Variants in EEIG2 observed in about 807,000 individuals in gnomAD.
The protein encoded by EEIG2 is EEIG family member 2.
At chr1:108,561,350 C>G in the EEIG2 span, among the ~76,000 whole-genome samples, 1 of 152,044 alleles carries the variant, frequency 6.6e-6, no homozygotes, top group Non-Finnish European at 1.5e-5. Flanking sequence ...ACAGATGTAC[C>G]CTAAGGTGCT....
chr1:108,560,342 C>T, the EEIG2 span: 3 of 1,082,782 alleles, frequency 2.8e-6, no homozygotes, highest in African/African-American at 1.7e-5. Flanking sequence ...CGGCCCCGGC[C>T]ATGGGGCTGG....
the EEIG2 span, among the ~76,000 whole-genome samples, chr1:108,609,163 T>G: frequency 7.1e-4 from 108 of 152,306 alleles, no homozygotes; most frequent in Non-Finnish European, 1.3e-3. Context: ...TATACCAACA[T>G]TACAATAGTA....
At chr1:108,630,482 G>A in the EEIG2 span, among the ~76,000 whole-genome samples, 1 of 152,138 alleles carries the variant, frequency 6.6e-6, no homozygotes, top group Non-Finnish European at 1.5e-5. Context: ...GTTAAATGAC[G>A]AGTTAATGGG....
chr1:108,600,635 T>C, the EEIG2 span: 1 of 1,611,122 alleles, frequency 6.2e-7, no homozygotes, highest in Non-Finnish European at 8.5e-7. Context: ...TGAGTGCAAG[T>C]GCTGCCACAG....
the EEIG2 span, chr1:108,629,802 CTTAGTGTAGCTCTCAGT>C: frequency 1.5e-6 from 1 of 689,300 alleles, no homozygotes; most frequent in East Asian, 2.8e-5. Flanking sequence ...AGTTACAGCT[CTTAGTGTAGCTCTCAGT>C]TTTCTTAATT....
At chr1:108,581,241 A>AT in the EEIG2 span, among the ~76,000 whole-genome samples, 1 of 152,286 alleles carries the variant, frequency 6.6e-6, no homozygotes, top group African/African-American at 2.4e-5. Context: ...CTTTCAAAAT[A>AT]TTACTGCTTA....
chr1:108,561,445 AT>A, the EEIG2 span, among the ~76,000 whole-genome samples: 1 of 152,202 alleles, frequency 6.6e-6, no homozygotes, highest in Non-Finnish European at 1.5e-5. Context: ...TTAAAAGTTA[AT>A]GTTATTTTGC....
chr1:108,585,957 T>C, the EEIG2 span, among the ~76,000 whole-genome samples: 1 of 152,248 alleles, frequency 6.6e-6, no homozygotes, highest in African/African-American at 2.4e-5. Flanking sequence ...TTAATATTCC[T>C]GTTCCAGAAA....
At chr1:108,613,589 C>T in the EEIG2 span, among the ~76,000 whole-genome samples, 2 of 152,166 alleles carry the variant, frequency 1.3e-5, no homozygotes. Context: ...CACACCGTCT[C>T]TCCCACTTTG....
the EEIG2 span, among the ~76,000 whole-genome samples, chr1:108,632,135 A>AAGG: frequency 0.31 from 20,677 of 65,854 alleles, 2,155 homozygotes; most frequent in East Asian, 0.39. Context: ...AAAAAAAAAA[A>AAGG]AGAAGAAGAA....
At chr1:108,591,836 AG>A in the EEIG2 span, among the ~76,000 whole-genome samples, 1 of 152,154 alleles carries the variant, frequency 6.6e-6, no homozygotes, top group Non-Finnish European at 1.5e-5. Flanking sequence ...TTGAAAGGAG[AG>A]TGGATGGAAT....
At chr1:108,581,021 G>A in the EEIG2 span, among the ~76,000 whole-genome samples, 5,550 of 152,250 alleles carry the variant, frequency 0.036, 135 homozygotes, top group Middle Eastern at 0.088. Flanking sequence ...CTTGCTAGGA[G>A]CTAATGCAAC....
the EEIG2 span, chr1:108,624,722 C>T: frequency 1.2e-6 from 2 of 1,613,864 alleles, no homozygotes; most frequent in Non-Finnish European, 1.7e-6. Context: ...GGTGGAGAGA[C>T]TCTCAAAGTG....
the EEIG2 span, among the ~76,000 whole-genome samples, chr1:108,621,994 T>C: frequency 6.6e-6 from 1 of 152,032 alleles, no homozygotes; most frequent in African/African-American, 2.4e-5. Context: ...GTGTCTCTAC[T>C]AAAAATACAA....
chr1:108,560,573 G>T, the EEIG2 span: 1 of 1,607,346 alleles, frequency 6.2e-7, no homozygotes, highest in South Asian at 1.1e-5. Flanking sequence ...CAGGTAACTC[G>T]CCTCCCGCGC....
chr1:108,635,277 T>C, the EEIG2 span: 1 of 1,276,682 alleles, frequency 7.8e-7, no homozygotes, highest in Non-Finnish European at 1.1e-6. Context: ...AATGCTGGTT[T>C]CTTCTCTGGA....
At chr1:108,599,987 C>G in the EEIG2 span, among the ~76,000 whole-genome samples, 1 of 152,184 alleles carries the variant, frequency 6.6e-6, no homozygotes, top group South Asian at 2.1e-4. Flanking sequence ...CAGAGGAAGA[C>G]TCCGTCTCAA....
the EEIG2 span, among the ~76,000 whole-genome samples, chr1:108,581,415 G>A: frequency 6.6e-6 from 1 of 152,286 alleles, no homozygotes; most frequent in African/African-American, 2.4e-5. Flanking sequence ...GGCTGTTGCT[G>A]CCTTAGATAG....
chr1:108,615,526 G>A, the EEIG2 span, among the ~76,000 whole-genome samples: 1 of 148,324 alleles, frequency 6.7e-6, no homozygotes, highest in Non-Finnish European at 1.5e-5. Flanking sequence ...TATAATCCTA[G>A]CACTTTGGGA....
Sources: allele counts gnomAD v4.1 joint callset (sites outside exome capture counted in the v4.1 genomes callset), GRCh38; gene constraint gnomAD v4.1.1; transcripts MANE v1.5; gene names NCBI Gene and HGNC (gene_info 2026-07-23, HGNC 2026-07-21).